Variants in GALNT13 observed in about 807,000 individuals in gnomAD.
GALNT13 encodes polypeptide N-acetylgalactosaminyltransferase 13.
A neutral mutation model predicts 64.2 loss-of-function variants in GALNT13; 28 were observed. The observed-to-expected ratio is 0.44, with a 90% CI of 0.32 to 0.60. The LOEUF (loss-of-function observed/expected upper bound fraction) is 0.60. GALNT13 is among the 20% of genes least tolerant of loss of function. The pLI is 0.05. For missense variants in GALNT13, 577 were observed against 669.8 expected, an observed-to-expected ratio of 0.86 and a Z score of 1.53; for synonymous variants, 214 against 224.6, an observed-to-expected ratio of 0.95 and a Z score of 0.42.
chr2:154,066,532 G>A (rs1164302284), intron 3 of GALNT13, among the ~76,000 whole-genome samples: 14 of 152,162 alleles, frequency 9.2e-5, no homozygotes, highest in South Asian at 2.1e-4. Context: ...TCTGGCAGCA[G>A]ACTTTTCAGT....
In GALNT13 at chr2:154,147,885, T is replaced by C. The variant is rs35638924; in HGVS notation, c.311+7380T>C. Among the ~76,000 whole-genome samples, 785 of 148,168 alleles carry C rather than the reference T, an allele frequency of 5.3e-3. 6 individuals are homozygous for C. Among genetic ancestry groups the C allele is most frequent in the Non-Finnish European group, 8.4e-3 (561 of 66,846 alleles). On this transcript the variant is annotated intron_variant, in intron 4 of 12. Coordinates refer to ENST00000392825, the MANE Select transcript of GALNT13 (RefSeq NM_052917.4). ...TTAATGTGTTCTTATATTTCTTTCT[T>C]TTTTTTTTTGCTGGGATTTTGCTTT... is the stretch of plus-strand genomic sequence containing the variant.
At chr2:154,171,067 T>C (rs1009969988) in intron 4 of GALNT13, among the ~76,000 whole-genome samples, 2 of 152,126 alleles carry the variant, frequency 1.3e-5, no homozygotes, top group African/African-American at 4.8e-5. Flanking sequence ...TTAAAGCCCA[T>C]AGTATCTTCC....
At chr2:154,395,057 T>A (rs564714585) in intron 9 of GALNT13, among the ~76,000 whole-genome samples, 1 of 152,304 alleles carries the variant, frequency 6.6e-6, no homozygotes, top group East Asian at 1.9e-4. Context: ...GTTACTTGGT[T>A]GGGATAGAAT....
intron 7 of GALNT13, among the ~76,000 whole-genome samples, chr2:154,250,790 G>A (rs1050594280): frequency 3.3e-5 from 5 of 151,828 alleles, no homozygotes; most frequent in African/African-American, 1.2e-4. Context: ...CATAATATAC[G>A]TTTGGATTGC....
chr2:153,377,706 T>C, the GALNT13 span, among the ~76,000 whole-genome samples: 1 of 152,098 alleles, frequency 6.6e-6, no homozygotes, highest in East Asian at 1.9e-4. Context: ...AATAAAGCTA[T>C]TTTCTTTATA....
the GALNT13 span, among the ~76,000 whole-genome samples, chr2:153,071,936 G>A: frequency 2.0e-5 from 3 of 152,158 alleles, no homozygotes; most frequent in Non-Finnish European, 2.9e-5. Flanking sequence ...TGCCTTAGAA[G>A]ACAGAAGCTA....
the GALNT13 span, among the ~76,000 whole-genome samples, chr2:153,473,205 A>T: frequency 4.6e-5 from 7 of 152,100 alleles, no homozygotes; most frequent in Non-Finnish European, 7.4e-5. Flanking sequence ...AAAAGGAAAA[A>T]TACATGTAGT....
chr2:153,646,471 A>T, the GALNT13 span, among the ~76,000 whole-genome samples: 4 of 140,386 alleles, frequency 2.8e-5, no homozygotes, highest in East Asian at 6.0e-4. Flanking sequence ...ATATATATAT[A>T]TTTTATTATA....
chr2:153,658,439 G>T, the GALNT13 span, among the ~76,000 whole-genome samples: 1 of 152,004 alleles, frequency 6.6e-6, no homozygotes, highest in East Asian at 1.9e-4. Flanking sequence ...ATGTGACCAT[G>T]TCACTCTTAG....
the GALNT13 span, among the ~76,000 whole-genome samples, chr2:153,190,825 T>G: frequency 8.5e-5 from 13 of 152,156 alleles, no homozygotes; most frequent in East Asian, 2.5e-3. Flanking sequence ...GTATTTTATT[T>G]TTTGGTAGCT....
At chr2:154,430,374 G>A (rs1488936675) in intron 11 of GALNT13, among the ~76,000 whole-genome samples, 1 of 152,164 alleles carries the variant, frequency 6.6e-6, no homozygotes, top group Non-Finnish European at 1.5e-5. Context: ...CAAGACATCA[G>A]TGGAGGAAAT....
chr2:153,696,752 G>A, the GALNT13 span, among the ~76,000 whole-genome samples: 1 of 152,164 alleles, frequency 6.6e-6, no homozygotes, highest in Non-Finnish European at 1.5e-5. Flanking sequence ...ATAAGTGGAG[G>A]GGAGGGCACT....
chr2:154,031,943 A>G (rs1243787847), intron 3 of GALNT13, among the ~76,000 whole-genome samples: 4 of 152,046 alleles, frequency 2.6e-5, no homozygotes, highest in Admixed American at 6.6e-5. Context: ...TTTATATAAC[A>G]GTCTAAGCAA....
chr2:153,127,282 C>G, the GALNT13 span, among the ~76,000 whole-genome samples: 1 of 152,150 alleles, frequency 6.6e-6, no homozygotes, highest in African/African-American at 2.4e-5. Flanking sequence ...CACCCTTCAG[C>G]ATACTGAGCT....
the GALNT13 span, among the ~76,000 whole-genome samples, chr2:153,279,935 A>G: frequency 6.6e-6 from 1 of 152,150 alleles, no homozygotes; most frequent in Non-Finnish European, 1.5e-5. Context: ...AGTTTCAGGA[A>G]AATTAATATT....
the GALNT13 span, among the ~76,000 whole-genome samples, chr2:153,227,369 T>C: frequency 3.3e-5 from 5 of 152,202 alleles, no homozygotes; most frequent in South Asian, 4.2e-4. Flanking sequence ...AGGAAGTCAA[T>C]TGAGATTTTG....
chr2:153,846,445 A>G, the GALNT13 span, among the ~76,000 whole-genome samples: 1 of 152,170 alleles, frequency 6.6e-6, no homozygotes, highest in African/African-American at 2.4e-5. Flanking sequence ...AATAAGGGTT[A>G]AAAATCATGA....
chr2:154,343,160 G>C (rs2105230295), intron 9 of GALNT13, among the ~76,000 whole-genome samples: 1 of 152,040 alleles, frequency 6.6e-6, no homozygotes, highest in South Asian at 2.1e-4. Flanking sequence ...GGGGGCATCA[G>C]CTCTCGTTCC....
chr2:153,362,875 C>T, the GALNT13 span, among the ~76,000 whole-genome samples: 1 of 152,098 alleles, frequency 6.6e-6, no homozygotes, highest in Non-Finnish European at 1.5e-5. Flanking sequence ...AGCTCTGGAT[C>T]AAGTCAACCT....
Sources: gnomAD v4.1 joint callset for allele counts (sites outside exome capture counted in the v4.1 genomes callset) on GRCh38, gnomAD v4.1.1 for gene constraint, MANE v1.5 for transcripts, NCBI Gene and HGNC (gene_info 2026-07-23, HGNC 2026-07-21) for gene names.